The following IGSF9 variants were observed in gnomAD, a reference collection of about 807,000 sequenced individuals.
The protein encoded by IGSF9 is protein turtle homolog A.
IGSF9 carries 87 observed loss-of-function variants against 121.7 expected under a neutral mutation model. The ratio of observed to expected loss-of-function variants is 0.71; its 90% CI spans 0.60 to 0.85. The LOEUF is 0.85. IGSF9 is among the 40% of genes least tolerant of loss of function. The pLI is 0.00. For missense variants in IGSF9, 1,462 were observed against 1,565.3 expected (o/e 0.93, Z 1.11); for synonymous variants, 640 against 648.4 (o/e 0.99, Z 0.20).
chr1:159,936,606 C>T, intron 5 of IGSF9, 90 bp from the exon 6 acceptor site: 2 of 1,530,412 alleles, frequency 1.3e-6, no homozygotes, highest in East Asian at 2.3e-5. Context: ...GAGGCAGCAC[C>T]CCAGGCTCGG....
At chr1:159,944,618 G>C (rs958919471) in intron 1 of IGSF9, among the ~76,000 whole-genome samples, 1 of 152,136 alleles carries the variant, frequency 6.6e-6, no homozygotes, top group Admixed American at 6.5e-5. Flanking sequence ...TTAACCCTGG[G>C]GCATGGAGGG....
chr1:159,927,703 C>A, intron 20 of IGSF9, 57 bp downstream of exon 20: 1 of 1,590,552 alleles, frequency 6.3e-7, no homozygotes, highest in Admixed American at 1.8e-5. Flanking sequence ...CCTAAGGTGG[C>A]GGGGGGATGT....
chr1:159,927,747 G>C lies in IGSF9; in HGVS notation c.3358+13C>G, dbSNP rs372031849. 7.5e-5 allele frequency: 120 copies of C among 1,610,036 alleles called. No individual in the cohort carries two copies. In the African/African-American group the frequency reaches 1.5e-3, roughly 20 times the overall value. On this transcript the variant is annotated intron_variant, in intron 20 of 20. Coordinates refer to ENST00000368094, the MANE Select transcript of IGSF9 (RefSeq NM_001135050.2). ...ATGGCCGAGATGCCTGCCTTTCCGG[G>C]GGGCTCACACACCTAGCTCTGGCTC...
chr1:159,928,998 C>G lies in IGSF9; in HGVS notation c.2390G>C (p.Ser797Thr). The part of the protein sequence containing the change: ...SAAPSALGSG[S>T]PDSVAKLKLQ... Reference sequence around the variant, plus strand: ...CTTCAGCTTCGCCACGCTGTCAGGACTGCCTGAGCCCAGAGCAGAGCTGGG... The same window carrying G: ...CTTCAGCTTCGCCACGCTGTCAGGAGTGCCTGAGCCCAGAGCAGAGCTGGG... The change falls in exon 19 of 21, where the codon AGT becomes ACT. Residue 797 changes from serine to threonine, a missense_variant. By Grantham distance (58) the Ser-to-Thr change is moderately conservative (BLOSUM62 1). Transcript: ENST00000368094. 6.6e-7 allele frequency: 1 copy of G among 1,520,048 alleles called. No homozygotes were observed. Among genetic ancestry groups the G allele is most frequent in the Middle Eastern group, 1.8e-4 (1 of 5,594 alleles). 94.2% of individuals were successfully genotyped at this position (1,520,048 alleles called of 1,614,324 possible).
In IGSF9 at chr1:159,931,786, A is replaced by G. The variant is rs371267914; in HGVS notation, c.1362+26T>C. ...GCAGGGGTGTAGTGGGCGTGGGTAC[A>G]GGCAGAGCGGGCTCAGGAGCCTTAC... On this transcript the variant is annotated intron_variant, in intron 11 of 20. Coordinates refer to ENST00000368094, the MANE Select transcript of IGSF9 (RefSeq NM_001135050.2). The surrounding 1 kb of genome is among the most constrained non-coding windows in gnomAD (Gnocchi z 4.8). The G allele has an allele frequency of 3.8e-5, 57 of 1,506,282 alleles. No individual in the cohort carries two copies. In the East Asian group the frequency reaches 9.8e-4, roughly 26 times the overall value. 93.3% of individuals were successfully genotyped at this position (1,506,282 alleles called of 1,614,324 possible).
chr1:159,929,285 GA>G, intron 18 of IGSF9, 65 bp downstream of exon 18: 1 of 1,557,466 alleles, frequency 6.4e-7, no homozygotes. Context: ...TGCAAAAAAG[GA>G]AGCAGAAGAT....
rs1169853530 is a variant in IGSF9 at position 159,932,489 on chromosome 1, C to T, written c.1245+23G>A. On this transcript the variant is annotated intron_variant, in intron 10 of 20. Coordinates refer to ENST00000368094, the MANE Select transcript of IGSF9 (RefSeq NM_001135050.2). The surrounding 1 kb of genome is among the most constrained non-coding windows in gnomAD (Gnocchi z 4.1). ...CCATCTGACCCACTGTCACCACAGG[C>T]CCCCGCCCACCCCCGGCCTAACCTT... The T allele has an allele frequency of 3.1e-6, 5 of 1,610,012 alleles. No individual in the cohort carries two copies. In the African/African-American group the frequency reaches 5.4e-5, roughly 17 times the overall value.
chr1:159,935,330 C>T (rs1449611772), intron 6 of IGSF9, among the ~76,000 whole-genome samples: 1 of 152,186 alleles, frequency 6.6e-6, no homozygotes, highest in Non-Finnish European at 1.5e-5. Flanking sequence ...CTGGCTCCTA[C>T]TACACTAAGC....
At chr1:159,930,569 C>A in intron 14 of IGSF9, 123 bp downstream of exon 14, 3 of 1,534,990 alleles carry the variant, frequency 2.0e-6, no homozygotes, top group Non-Finnish European at 2.7e-6. Context: ...TCCACACACC[C>A]CTCTGGACCC....
chr1:159,933,806 A>G, intron 9 of IGSF9: 1 of 273,404 alleles, frequency 3.7e-6, no homozygotes, highest in Non-Finnish European at 7.1e-6. Flanking sequence ...TTAAGGATGG[A>G]TGCCTCCTTG....
chr1:159,934,706 C>A lies in IGSF9; in HGVS notation c.790G>T (p.Asp264Tyr). 1.9e-6 allele frequency: 3 copies of A among 1,614,218 alleles called. No individual in the cohort carries two copies. The highest frequency in any genetic ancestry group is 2.5e-6 in the Non-Finnish European group (3 of 1,180,030). ...PANLTYSWFQ[D>Y]NINVFHISRL... The stretch of plus-strand genomic sequence containing the variant: ...CTAATGTGGAAGACATTGATGTTGT[C>A]CTGGAACCAGCTGTAGGTGAGGTTA... The change falls in exon 7 of 21, where the codon GAC becomes TAC. Residue 264 changes from aspartate to tyrosine, a missense_variant. By Grantham distance (160) the Asp-to-Tyr change is radical. Coordinates refer to ENST00000368094, the MANE Select transcript of IGSF9 (RefSeq NM_001135050.2).
intron 6 of IGSF9, among the ~76,000 whole-genome samples, chr1:159,935,746 T>A (rs1180721066): frequency 1.3e-5 from 2 of 152,204 alleles, no homozygotes; most frequent in African/African-American, 4.8e-5. Context: ...ATTTTCTAGA[T>A]GAAGAAGTGA....
chr1:159,928,331 G>C lies in IGSF9; in HGVS notation c.3057C>G (p.Gly1019=), dbSNP rs1169853125. ...LPGLLPAAPR[G]SLTSQSSGRG... is the part of the protein sequence containing the mutation. ...GCCCACTGCTCTGGCTGGTGAGGCT[G>C]CCTCGAGGGGCAGCAGGGAGAAGGC... Residue 1019 remains glycine (G), a synonymous_variant, in exon 19 of 21, where the codon GGC becomes GGG. Transcript: ENST00000368094. 1.3e-5 allele frequency: 21 copies of C among 1,607,694 alleles called. No homozygotes were observed. Among genetic ancestry groups the C allele is most frequent in the Non-Finnish European group, 1.8e-5 (21 of 1,177,404 alleles).
Position 159,931,834 on chromosome 1 carries a change from G to A in IGSF9, c.1340C>T (p.Pro447Leu). 1 of 1,587,302 alleles carries A rather than the reference G, an allele frequency of 6.3e-7. No homozygotes were observed. Among genetic ancestry groups the A allele is most frequent in the South Asian group, 1.1e-5 (1 of 87,302 alleles). ...TACCTTGGTCCAAGAGACAACAGGA[G>A]GAGGGTCCCCTTGGGCGGAGCAGGG... The part of the protein sequence containing the change: ...LIPCSAQGDP[P>L]PVVSWTKVGR... Residue 447 changes from proline to leucine, a missense_variant, in exon 11 of 21, where the codon CCT becomes CTT. Pro to Leu is a moderately conservative substitution (Grantham distance 98). Coordinates refer to ENST00000368094, the MANE Select transcript of IGSF9 (RefSeq NM_001135050.2). The surrounding 1 kb of genome is among the most constrained non-coding windows in gnomAD (Gnocchi z 4.8).
At position 159,929,336 on chromosome 1, in the gene IGSF9, G is replaced by A. The variant is rs369427670; in HGVS notation, c.2369+15C>T. On this transcript the variant is annotated intron_variant, in intron 18 of 20. Transcript: ENST00000368094. ...TGGAAAGGCAGAAGAAAGCCAAGGA[G>A]GTGGAGGCACTTACGGTGCAGCTGA... 2.1e-4 allele frequency: 341 copies of A among 1,613,350 alleles called. No homozygotes were observed. Among genetic ancestry groups the A allele is most frequent in the Non-Finnish European group, 2.8e-4 (325 of 1,179,356 alleles).
In IGSF9 at chr1:159,943,027, T is replaced by C; in HGVS notation, c.183A>G (p.Gly61=). The part of the protein sequence containing the change: ...PLHVIEWLRF[G]FLLPIFIQFG... ...ACTGGATGAAGATGGGAAGCAGGAATCCAAAGCGCAGCCACTCGATGACAT... is the reference window on the plus strand; with the variant it reads ...ACTGGATGAAGATGGGAAGCAGGAACCCAAAGCGCAGCCACTCGATGACAT... Residue 61 remains glycine (G), a synonymous_variant, in exon 3 of 21, where the codon GGA becomes GGG. Transcript: ENST00000368094. The C allele has an allele frequency of 6.2e-7, 1 of 1,612,520 alleles. No individual in the cohort carries two copies. Among genetic ancestry groups the C allele is most frequent in the Non-Finnish European group, 8.5e-7 (1 of 1,179,380 alleles).
chr1:159,944,504 C>A (rs1417579961), intron 1 of IGSF9, among the ~76,000 whole-genome samples: 3 of 152,172 alleles, frequency 2.0e-5, no homozygotes, highest in African/African-American at 4.8e-5. Context: ...CCCACTCACT[C>A]CCCTCCAATA....
Position 159,927,465 on chromosome 1 carries a change from G to A in IGSF9, c.3420C>T (p.Ala1140=). 2 of 1,614,160 alleles carry A rather than the reference G, an allele frequency of 1.2e-6. No homozygotes were observed. The highest frequency in any genetic ancestry group is 1.7e-6 in the Non-Finnish European group (2 of 1,180,036). Residue 1140 remains alanine, a synonymous_variant, in exon 21 of 21, where the codon GCC becomes GCT. Coordinates refer to ENST00000368094, the MANE Select transcript of IGSF9 (RefSeq NM_001135050.2). Reference sequence around the variant, plus strand: ...ATTCCTCCCGAAGGGCAGCACAGCGGGCCTCAGGGCCAGTAACATGGGCAG... The same window carrying A: ...ATTCCTCCCGAAGGGCAGCACAGCGAGCCTCAGGGCCAGTAACATGGGCAG... ...LNTAHVTGPE[A]RCAALREEFL... is the part of the protein sequence containing the mutation.
At chr1:159,934,910 G>C (rs1008772239) in intron 6 of IGSF9, 88 bp from the exon 7 acceptor site, 9 of 1,502,058 alleles carry the variant, frequency 6.0e-6, no homozygotes, top group Non-Finnish European at 8.2e-6. Context: ...TCCCAGCTCT[G>C]CTCTCTGGAA....
Sources: allele counts gnomAD v4.1 joint callset (sites outside exome capture counted in the v4.1 genomes callset), GRCh38; gene constraint gnomAD v4.1.1; non-coding constraint Gnocchi (gnomAD v3.1); transcripts MANE v1.5; gene names NCBI Gene and HGNC (gene_info 2026-07-23, HGNC 2026-07-21).